The following PTCHD4 variants were observed in gnomAD, a reference collection of about 807,000 sequenced individuals.
PTCHD4 encodes the protein patched domain-containing protein 4.
Under a neutral mutation model 58.1 loss-of-function variants are expected in PTCHD4, and 33 were observed. The observed-to-expected ratio is 0.57, with a 90% CI of 0.43 to 0.76. The LOEUF (loss-of-function observed/expected upper bound fraction) is 0.76, where lower values mean the gene tolerates loss of function less well. PTCHD4 is among the 30% of genes least tolerant of loss of function. The probability of loss-of-function intolerance (pLI) is 0.00; values close to 1 mark genes in which losing one functional copy is unlikely to be tolerated. For missense variants in PTCHD4, 1,058 were observed against 1,027.1 expected (o/e 1.03, Z -0.41); for synonymous variants, 478 against 409.6 (o/e 1.17, Z -2.02).
intron 4 of PTCHD4, among the ~76,000 whole-genome samples, chr6:47,888,463 A>T (rs1463480617): frequency 6.6e-6 from 1 of 152,360 alleles, no homozygotes; most frequent in African/African-American, 2.4e-5. Flanking sequence ...AGGTTACAGG[A>T]TTTTATTAGG....
intron 4 of PTCHD4, among the ~76,000 whole-genome samples, chr6:48,006,567 A>T (rs1762445106): frequency 6.6e-6 from 1 of 152,178 alleles, no homozygotes; most frequent in Admixed American, 6.5e-5. Flanking sequence ...AAGCGATGAG[A>T]CTTCATTCAA....
intron 3 of PTCHD4, among the ~76,000 whole-genome samples, chr6:48,029,900 A>G (rs1763375227): frequency 6.6e-6 from 1 of 152,102 alleles, no homozygotes; most frequent in African/African-American, 2.4e-5. Context: ...AAGCCAAGGT[A>G]GTTGACTTAC....
chr6:47,959,867 A>AG (rs1767011715), intron 4 of PTCHD4, among the ~76,000 whole-genome samples: 1 of 145,094 alleles, frequency 6.9e-6, no homozygotes, highest in African/African-American at 2.7e-5. Flanking sequence ...TCTTCCAAAT[A>AG]GAAAAAAAAA....
rs373664207 is a variant in PTCHD4 at position 47,858,758 on chromosome 6, G to A, written c.*19545C>T. Among the ~76,000 whole-genome samples the A allele has an allele frequency of 1.7e-3, 264 of 152,012 alleles. 1 individual carries two copies. Among genetic ancestry groups the A allele is most frequent in the African/African-American group, 5.8e-3 (241 of 41,512 alleles). On this transcript the variant is annotated 3_prime_UTR_variant, in exon 5 of 5. Coordinates refer to ENST00000339488, the MANE Select transcript of PTCHD4 (RefSeq NM_001384253.1). ...GCTGATGTTAAGAAAACTAAAACAA[G>A]TTCCATACAAATGAAAATTTAGAAG...
intron 4 of PTCHD4, among the ~76,000 whole-genome samples, chr6:47,924,357 T>G (rs1288544158): frequency 6.6e-6 from 1 of 152,142 alleles, no homozygotes; most frequent in East Asian, 1.9e-4. Flanking sequence ...TATTTTGGGT[T>G]ATTATCAAAG....
chr6:47,894,412 T>C (rs1004172456), intron 4 of PTCHD4, among the ~76,000 whole-genome samples: 1 of 152,242 alleles, frequency 6.6e-6, no homozygotes, highest in Non-Finnish European at 1.5e-5. Context: ...CTGGTTTTTA[T>C]GCCAGGTTCA....
intron 4 of PTCHD4, among the ~76,000 whole-genome samples, chr6:47,992,720 A>G (rs1451123408): frequency 6.6e-6 from 1 of 152,186 alleles, no homozygotes; most frequent in Non-Finnish European, 1.5e-5. Flanking sequence ...TACTAATAGT[A>G]TCTGGATGGT....
intron 4 of PTCHD4, among the ~76,000 whole-genome samples, chr6:47,981,307 G>C (rs1477129880): frequency 6.6e-6 from 1 of 151,878 alleles, no homozygotes; most frequent in Non-Finnish European, 1.5e-5. Flanking sequence ...TTTCGCTCTT[G>C]TTTATTTTGT....
rs987583703 is a variant in PTCHD4 at position 47,864,999 on chromosome 6, G to A, written c.*13304C>T. Among the ~76,000 whole-genome samples, 27 of 151,824 alleles carry A rather than the reference G, an allele frequency of 1.8e-4. No individual in the cohort carries two copies. The highest frequency in any genetic ancestry group is 1.8e-3 in the Admixed American group (27 of 15,232). ...ACTGCAGAGCAGATCTCTGATTGTG[G>A]GAGGAACAGTGATCTTGTTTCTAAG... On this transcript the variant is annotated 3_prime_UTR_variant, in exon 5 of 5. Transcript: ENST00000339488.
rs940846180 is a variant in PTCHD4, at chr6:47,871,998, C to T, written c.*6305G>A. Among the ~76,000 whole-genome samples the T allele has an allele frequency of 1.6e-4, 24 of 150,778 alleles. No homozygotes were observed. Among genetic ancestry groups the T allele is most frequent in the African/African-American group, 5.6e-4 (23 of 41,166 alleles). Reference sequence around the variant, plus strand: ...TTGAAAATAGATGCTACAGACTGTACCAGGAGATGCAAGAATATGACGGCT... The same window carrying T: ...TTGAAAATAGATGCTACAGACTGTATCAGGAGATGCAAGAATATGACGGCT... On this transcript the variant is annotated 3_prime_UTR_variant, in exon 5 of 5. Coordinates refer to ENST00000339488, the MANE Select transcript of PTCHD4 (RefSeq NM_001384253.1).
chr6:47,864,312 A>G lies in PTCHD4; in HGVS notation c.*13991T>C, dbSNP rs1278675568. Among the ~76,000 whole-genome samples the G allele has an allele frequency of 1.1e-5, 1 of 92,110 alleles. No homozygotes were observed. The highest frequency in any genetic ancestry group is 3.4e-5 in the African/African-American group (1 of 29,342). The allele number at this position is 92,110 out of a possible 152,430, so 60.4% of individuals were successfully genotyped here. On this transcript the variant is annotated 3_prime_UTR_variant, in exon 5 of 5. Coordinates refer to ENST00000339488, the MANE Select transcript of PTCHD4 (RefSeq NM_001384253.1). Reference sequence around the variant, plus strand: ...GGAGCCCATTATTTTTGAGATATATATATACACACACACACACATATATAT... The same window carrying G: ...GGAGCCCATTATTTTTGAGATATATGTATACACACACACACACATATATAT...
chr6:47,938,768 T>C (rs1338547006), intron 4 of PTCHD4, among the ~76,000 whole-genome samples: 3 of 152,202 alleles, frequency 2.0e-5, no homozygotes, highest in Non-Finnish European at 4.4e-5. Context: ...ACTATAATTT[T>C]AGTTTTATTT....
At chr6:47,979,611 ATTAT>A (rs1483761012) in intron 4 of PTCHD4, among the ~76,000 whole-genome samples, 3 of 152,158 alleles carry the variant, frequency 2.0e-5, no homozygotes, top group Non-Finnish European at 2.9e-5. Flanking sequence ...AAATTTGCTG[ATTAT>A]TTATTAGCAA....
chr6:47,941,284 T>C (rs1029926532), intron 4 of PTCHD4, among the ~76,000 whole-genome samples: 6 of 152,078 alleles, frequency 3.9e-5, no homozygotes, highest in Non-Finnish European at 7.4e-5. Flanking sequence ...ACAGCAGAAG[T>C]GAATCTTGGA....
chr6:48,067,353 T>A (rs2113877811), intron 3 of PTCHD4, among the ~76,000 whole-genome samples: 1 of 152,370 alleles, frequency 6.6e-6, no homozygotes, highest in Middle Eastern at 3.4e-3. Context: ...ACTGTGATTT[T>A]TTTTTCTTTC....
At chr6:48,108,708 T>C (rs1219618465) in intron 1 of PTCHD4, among the ~76,000 whole-genome samples, 1 of 152,056 alleles carries the variant, frequency 6.6e-6, no homozygotes, top group Non-Finnish European at 1.5e-5. Flanking sequence ...CAATGAAAAG[T>C]ATCAATAATA....
At chr6:47,996,309 T>C (rs1768484317) in intron 4 of PTCHD4, among the ~76,000 whole-genome samples, 1 of 152,012 alleles carries the variant, frequency 6.6e-6, no homozygotes, top group Non-Finnish European at 1.5e-5. Flanking sequence ...TCTCTACTAT[T>C]AATAAAAATT....
chr6:48,007,936 G>GCGCGCGCGCACA (rs935818683), intron 4 of PTCHD4, among the ~76,000 whole-genome samples: 2 of 150,244 alleles, frequency 1.3e-5, no homozygotes, highest in African/African-American at 4.9e-5. Flanking sequence ...GTGCGCGCGC[G>GCGCGCGCGCACA]CACACACACA....
chr6:48,060,398 T>C (rs1764578481), intron 3 of PTCHD4, among the ~76,000 whole-genome samples: 1 of 152,246 alleles, frequency 6.6e-6, no homozygotes, highest in Admixed American at 6.5e-5. Context: ...TCTTCTTTCA[T>C]AACCTCCTGA....
Sources: gnomAD v4.1 joint callset for allele counts (sites outside exome capture counted in the v4.1 genomes callset) on GRCh38, gnomAD v4.1.1 for gene constraint, MANE v1.5 for transcripts, NCBI Gene and HGNC (gene_info 2026-07-23, HGNC 2026-07-21) for gene names.